ZCCHC2: variants seen among roughly 807,000 people sequenced by gnomAD.
ZCCHC2 encodes zinc finger CCHC domain-containing protein 2.
ZCCHC2 carries 39 observed loss-of-function variants against 103.6 expected under a neutral mutation model. That is an observed-to-expected ratio of 0.38 (90% CI 0.29 to 0.49). The LOEUF is 0.49. Among genes scored for constraint, ZCCHC2 ranks in the 20% least tolerant of loss-of-function variants. ZCCHC2 has a pLI of 0.96. For synonymous variants in ZCCHC2, 687 were observed against 608.9 expected, an observed-to-expected ratio of 1.13 and a Z score of -1.89; for missense variants, 1,483 against 1,491.0, an observed-to-expected ratio of 0.99 and a Z score of 0.09.
Position 62,565,058 on chromosome 18 carries a change from T to G in ZCCHC2, c.1808T>G (p.Leu603Arg). ...AATAGTAGAATAAATGGTATTAGAC[T>G]CTCCACTCCTCAGCATGCCCATGGT... The part of the protein sequence containing the change: ...RLNSRINGIR[L>R]STPQHAHGGT... Residue 603 changes from leucine (L) to arginine (R), a missense_variant, in exon 11 of 14, where the codon CTC becomes CGC. Physicochemically the swap from Leu to Arg is moderately radical, Grantham distance 102 (BLOSUM62 -2). This residue lies in a region of ZCCHC2 where 884 missense variants were observed against 907.5 expected (regional missense o/e 0.97). Coordinates refer to ENST00000269499, the MANE Select transcript of ZCCHC2 (RefSeq NM_017742.6). 1 of 1,613,656 alleles carries G rather than the reference T, an allele frequency of 6.2e-7. No individual in the cohort carries two copies. Among genetic ancestry groups the G allele is most frequent in the South Asian group, 1.1e-5 (1 of 91,064 alleles).
chr18:62,527,132 GC>G lies in ZCCHC2; in HGVS notation c.939+2771del, dbSNP rs1404136644. Among the ~76,000 whole-genome samples the G allele has an allele frequency of 2.6e-5, 4 of 151,058 alleles. No homozygotes were observed. In the East Asian group the frequency reaches 7.8e-4, roughly 30 times the overall value. ...TGGTGTGCCAAACGACGTATTTTCAGCCTTACTATTGGTTAACGTAAAGTTA... is the reference window on the plus strand; with the variant it reads ...TGGTGTGCCAAACGACGTATTTTCAGCTTACTATTGGTTAACGTAAAGTTA... On this transcript the variant is annotated intron_variant, in intron 1 of 13. Coordinates refer to ENST00000269499, the MANE Select transcript of ZCCHC2 (RefSeq NM_017742.6).
rs1432311671 is a variant in ZCCHC2 at position 62,574,661 on chromosome 18, T to C, written c.2580T>C (p.Ser860=). The C allele has an allele frequency of 1.2e-6, 2 of 1,613,890 alleles. No individual in the cohort carries two copies. Among genetic ancestry groups the C allele is most frequent in the African/African-American group, 2.7e-5 (2 of 74,918 alleles). ...ATAACCCAGGTAGTTTCCCAGGCTC[T>C]CCTGTTGCTACCACGGACCCCATCA... ...PIHNPGSFPG[S]PVATTDPITK... The change falls in exon 13 of 14, where the codon TCT becomes TCC. Residue 860 remains serine (S), a synonymous_variant. Transcript: ENST00000269499.
At chr18:62,550,755 G>A (rs1915629976) in intron 5 of ZCCHC2, among the ~76,000 whole-genome samples, 1 of 152,210 alleles carries the variant, frequency 6.6e-6, no homozygotes, top group South Asian at 2.1e-4. Flanking sequence ...AGAGGCCTTT[G>A]TCCAAGAGCT....
intron 3 of ZCCHC2, among the ~76,000 whole-genome samples, chr18:62,544,280 T>C (rs1915319982): frequency 6.6e-6 from 1 of 152,218 alleles, no homozygotes; most frequent in Non-Finnish European, 1.5e-5. Flanking sequence ...TCATCATACC[T>C]GGCCCTAGCA....
At chr18:62,567,068 T>C (rs946723192) in intron 11 of ZCCHC2, among the ~76,000 whole-genome samples, 70 of 152,360 alleles carry the variant, frequency 4.6e-4, no homozygotes, top group African/African-American at 1.5e-3. Context: ...CGTCACCGAT[T>C]TGTATGTATT....
chr18:62,586,233 T>G (rs968325107), exon 15 of ZCCHC2: 1 of 152,018 alleles, frequency 6.6e-6, no homozygotes, highest in African/African-American at 2.4e-5. Flanking sequence ...TCACTTTAAA[T>G]GATTTATTGG....
Position 62,575,356 on chromosome 18 carries a change from G to A in ZCCHC2, c.3275G>A (p.Ser1092Asn), listed in dbSNP as rs753031564. ...CTGGTACATGACCCAGTCATGGGGA[G>A]CCAAGCCAACTATGGCATGCAGCAG... ...NGLVHDPVMG[S>N]QANYGMQQMA... Residue 1092 changes from serine to asparagine, a missense_variant, in exon 13 of 14, where the codon AGC becomes AAC. Coordinates refer to ENST00000269499, the MANE Select transcript of ZCCHC2 (RefSeq NM_017742.6). 10 of 1,613,918 alleles carry A rather than the reference G, an allele frequency of 6.2e-6. No homozygotes were observed. In the South Asian group the frequency reaches 1.1e-4, roughly 18 times the overall value.
At chr18:62,528,191 C>T (rs1302748545) in intron 1 of ZCCHC2, among the ~76,000 whole-genome samples, 7 of 152,198 alleles carry the variant, frequency 4.6e-5, no homozygotes, top group Non-Finnish European at 5.9e-5. Context: ...CAAAATTATC[C>T]TATGTCTTTG....
chr18:62,535,065 C>A (rs766716419), intron 1 of ZCCHC2, among the ~76,000 whole-genome samples: 18 of 152,202 alleles, frequency 1.2e-4, no homozygotes, highest in Non-Finnish European at 1.9e-4. Flanking sequence ...CTTCTGAGCC[C>A]AGGCTCACAT....
intron 13 of ZCCHC2, among the ~76,000 whole-genome samples, chr18:62,576,050 T>C: frequency 6.7e-6 from 1 of 150,130 alleles, no homozygotes; most frequent in Non-Finnish European, 1.5e-5. Context: ...AGGTCCAAGA[T>C]TCTATTGCAT....
At chr18:62,538,230 C>A (rs1272759696) in intron 1 of ZCCHC2, among the ~76,000 whole-genome samples, 1 of 131,238 alleles carries the variant, frequency 7.6e-6, no homozygotes, top group Non-Finnish European at 1.5e-5. Context: ...CGGTGTACTT[C>A]AGTCTGGGCA....
chr18:62,529,234 A>G (rs1030356221), intron 1 of ZCCHC2, among the ~76,000 whole-genome samples: 2 of 151,884 alleles, frequency 1.3e-5, no homozygotes, highest in African/African-American at 4.8e-5. Flanking sequence ...ATTAATAAAT[A>G]CCTTTATTTA....
intron 9 of ZCCHC2, among the ~76,000 whole-genome samples, chr18:62,564,360 A>G (rs1347158161): frequency 3.3e-5 from 5 of 152,232 alleles, no homozygotes; most frequent in Non-Finnish European, 5.9e-5. Context: ...AAAATAGAAA[A>G]TAATACTGTA....
At position 62,539,792 on chromosome 18, in the gene ZCCHC2, G is replaced by A. The variant is rs772627137; in HGVS notation, c.1051G>A (p.Ala351Thr). The A allele has an allele frequency of 6.2e-7, 1 of 1,601,928 alleles. No individual in the cohort carries two copies. Among genetic ancestry groups the A allele is most frequent in the South Asian group, 1.1e-5 (1 of 88,680 alleles). Residue 351 changes from alanine to threonine, a missense_variant and splice_region_variant, in exon 2 of 14, where the codon GCT (alanine) becomes ACT (threonine). By Grantham distance (58) the Ala-to-Thr change is moderately conservative. Coordinates refer to ENST00000269499, the MANE Select transcript of ZCCHC2 (RefSeq NM_017742.6). ...GGCACCTCACAGAGCTCAGCGAGAA[G>A]GTATGCTCTCTTTTTTGTAAACTTA... ...TVAPHRAQRE[A>T]VHIEKIMLKG...
exon 15 of ZCCHC2, chr18:62,586,138 G>A (rs7231250): frequency 0.74 from 110,948 of 150,202 alleles, 41,553 homozygotes; most frequent in East Asian, 1. Flanking sequence ...TACGTGAATC[G>A]TTGGTAAATT....
chr18:62,529,745 G>A (rs1020448294), intron 1 of ZCCHC2, among the ~76,000 whole-genome samples: 1 of 152,078 alleles, frequency 6.6e-6, no homozygotes, highest in Non-Finnish European at 1.5e-5. Context: ...AGGCGGGAGC[G>A]GGTGCTGGAT....
At chr18:62,566,060 C>T (rs1315049584) in intron 11 of ZCCHC2, among the ~76,000 whole-genome samples, 5 of 152,150 alleles carry the variant, frequency 3.3e-5, no homozygotes, top group Non-Finnish European at 7.3e-5. Context: ...GCCTGACCAA[C>T]ATGATGAAAA....
At position 62,556,242 on chromosome 18, in the gene ZCCHC2, T is replaced by G; in HGVS notation, c.1353T>G (p.Ser451Arg). The G allele has an allele frequency of 3.1e-6, 5 of 1,606,656 alleles. No homozygotes were observed. Among genetic ancestry groups the G allele is most frequent in the Non-Finnish European group, 4.3e-6 (5 of 1,176,222 alleles). ...GTTCATCACAAGCTTTTCTACAAAG[T>G]CAGAAAGTACACAGCTTCTTTCAGT... ...FSSSSQAFLQ[S>R]QKVHSFFQSI... The change falls in exon 6 of 14, where the codon AGT becomes AGG. Residue 451 changes from serine (S) to arginine (R), a missense_variant. Coordinates refer to ENST00000269499, the MANE Select transcript of ZCCHC2 (RefSeq NM_017742.6).
At chr18:62,580,574 C>G (rs112955990), downstream of ZCCHC2, among the ~76,000 whole-genome samples, 82 of 78,740 alleles carry the variant, frequency 1.0e-3, no homozygotes, top group Non-Finnish European at 1.2e-3. Context: ...TGTGGAAGGC[C>G]AGGTGGACCC....
Sources: allele counts gnomAD v4.1 joint callset (sites outside exome capture counted in the v4.1 genomes callset), GRCh38; gene constraint gnomAD v4.1.1; regional missense constraint gnomAD v4.1.1; transcripts MANE v1.5; gene names NCBI Gene and HGNC (gene_info 2026-07-23, HGNC 2026-07-21).